The following TMEFF1 variants were observed in gnomAD, a reference collection of about 807,000 sequenced individuals.
TMEFF1 encodes the protein tomoregulin-1.
Under a neutral mutation model 47.5 loss-of-function variants are expected in TMEFF1, and 20 were observed. The observed-to-expected ratio is 0.42, with a 90% CI of 0.30 to 0.61. The LOEUF (loss-of-function observed/expected upper bound fraction) is 0.61. TMEFF1 is among the 20% of genes least tolerant of loss of function. The pLI is 0.19. For synonymous variants in TMEFF1, 162 were observed against 166.3 expected (o/e 0.97, Z 0.20); for missense variants, 411 against 471.1 (o/e 0.87, Z 1.18).
At chr9:100,574,203 G>A (rs1455789935) in intron 9 of TMEFF1, among the ~76,000 whole-genome samples, 3 of 152,148 alleles carry the variant, frequency 2.0e-5, no homozygotes, top group South Asian at 2.1e-4. Context: ...GAAGGACTTG[G>A]TATAAACCAT....
rs79277899 is a variant in TMEFF1 at position 100,493,756 on chromosome 9, C to T, written c.197-5009C>T. Among the ~76,000 whole-genome samples the T allele has an allele frequency of 2.8e-3, 431 of 152,204 alleles. 4 individuals carry two copies. Among genetic ancestry groups the T allele is most frequent in the African/African-American group, 1.0e-2 (414 of 41,530 alleles). On this transcript the variant is annotated intron_variant, in intron 1 of 9. Transcript: ENST00000374879. Reference sequence around the variant, plus strand: ...GGTGGGTAATCATCATAATCATTGACAGGTAGTAGAATGTCCTCTTGATGC... The same window carrying T: ...GGTGGGTAATCATCATAATCATTGATAGGTAGTAGAATGTCCTCTTGATGC...
intron 5 of TMEFF1, among the ~76,000 whole-genome samples, chr9:100,529,902 C>T (rs185698021): frequency 1.1e-4 from 17 of 152,170 alleles, no homozygotes; most frequent in East Asian, 7.7e-4. Context: ...TCTCTCAGAC[C>T]GCAGTGCAAT....
rs147790394 is a variant in TMEFF1 at position 100,500,754 on chromosome 9, C to T, written c.306+1880C>T. ...GAGAATGGACCATATTTTCCTGTTT[C>T]TTCACATTAGAGTAACTTTGAATTT... On this transcript the variant is annotated intron_variant, in intron 2 of 9. Coordinates refer to ENST00000374879, the MANE Select transcript of TMEFF1 (RefSeq NM_003692.5). Among the ~76,000 whole-genome samples the T allele has an allele frequency of 5.1e-3, 769 of 152,260 alleles. 6 individuals carry two copies. Among genetic ancestry groups the T allele is most frequent in the Non-Finnish European group, 8.3e-3 (565 of 68,022 alleles).
At chr9:100,498,187 C>T (rs1041816537) in intron 1 of TMEFF1, among the ~76,000 whole-genome samples, 9 of 152,014 alleles carry the variant, frequency 5.9e-5, no homozygotes, top group African/African-American at 2.2e-4. Context: ...AGTTTTAAGT[C>T]TAGTAAGATT....
intron 1 of TMEFF1, among the ~76,000 whole-genome samples, chr9:100,482,379 G>A (rs946013488): frequency 2.2e-4 from 34 of 151,670 alleles, no homozygotes; most frequent in African/African-American, 8.0e-4. Flanking sequence ...TGAATTTTTA[G>A]TAGAGACGGG....
At chr9:100,493,276 G>GAACA (rs1301843063) in intron 1 of TMEFF1, among the ~76,000 whole-genome samples, 1 of 152,168 alleles carries the variant, frequency 6.6e-6, no homozygotes, top group South Asian at 2.1e-4. Flanking sequence ...CCTGAGTTCT[G>GAACA]TTGTAACATC....
intron 5 of TMEFF1, among the ~76,000 whole-genome samples, chr9:100,531,577 A>G (rs373352976): frequency 1.6e-3 from 239 of 151,898 alleles, no homozygotes; most frequent in African/African-American, 5.1e-3. Flanking sequence ...ACTGCTCAAT[A>G]AAATAAAAGA....
At chr9:100,560,680 C>T (rs557371406) in intron 7 of TMEFF1, among the ~76,000 whole-genome samples, 5 of 152,112 alleles carry the variant, frequency 3.3e-5, no homozygotes, top group African/African-American at 1.2e-4. Flanking sequence ...TTCTTCACTT[C>T]AGTTCAGTTC....
intron 5 of TMEFF1, among the ~76,000 whole-genome samples, chr9:100,517,339 T>C (rs1587832498): frequency 3.3e-5 from 5 of 152,370 alleles, no homozygotes; most frequent in Admixed American, 3.3e-4. Context: ...AAATGGATCT[T>C]CTTCACTTCC....
At chr9:100,521,289 C>T (rs973646702) in intron 5 of TMEFF1, among the ~76,000 whole-genome samples, 4 of 152,202 alleles carry the variant, frequency 2.6e-5, no homozygotes, top group African/African-American at 9.6e-5. Flanking sequence ...CTGAAACTCA[C>T]TGCATTTCTT....
intron 1 of TMEFF1, among the ~76,000 whole-genome samples, chr9:100,492,548 G>C (rs1837573770): frequency 6.6e-6 from 1 of 152,200 alleles, no homozygotes; most frequent in Non-Finnish European, 1.5e-5. Flanking sequence ...AGGTTTTATA[G>C]AGAATGACAC....
chr9:100,515,313 T>A (rs769104027), intron 4 of TMEFF1, among the ~76,000 whole-genome samples: 23 of 152,036 alleles, frequency 1.5e-4, no homozygotes, highest in Admixed American at 3.9e-4. Context: ...TATTATGATG[T>A]TTTGGGGCCT....
chr9:100,514,917 C>T (rs1015508752), intron 4 of TMEFF1, among the ~76,000 whole-genome samples: 1 of 152,052 alleles, frequency 6.6e-6, no homozygotes, highest in South Asian at 2.1e-4. Flanking sequence ...ATTGCTTGAA[C>T]CCAGGAGACA....
At position 100,547,864 on chromosome 9, in the gene TMEFF1, T is replaced by TTATC; in HGVS notation, c.681_682insTATC (p.Asp228TyrfsTer14). ...CATCTTGTATAAAGCAAGAACAAAT[T>TTATC]GATATAAGGCATCTTGGTCATTGCA... On this transcript the variant is annotated frameshift_variant, in exon 6 of 10. Transcript: ENST00000374879. LOFTEE classifies it high-confidence loss of function. 6.2e-7 allele frequency: 1 copy of TTATC among 1,606,202 alleles called. No homozygotes were observed. The highest frequency in any genetic ancestry group is 8.5e-7 in the Non-Finnish European group (1 of 1,177,422).
intron 1 of TMEFF1, among the ~76,000 whole-genome samples, chr9:100,482,404 G>T (rs532971272): frequency 1.1e-3 from 169 of 151,028 alleles, no homozygotes; most frequent in African/African-American, 3.9e-3. Flanking sequence ...CACCATATTG[G>T]CCAGGCTGGT....
rs866032631 is a variant in TMEFF1 at position 100,519,278 on chromosome 9, T to C, written c.560+2507T>C. On this transcript the variant is annotated intron_variant, in intron 5 of 9. Transcript: ENST00000374879. The stretch of plus-strand genomic sequence containing the variant: ...CAAAAATTAGCTGGGTGTGGTGGCA[T>C]GCACCTGTAGTCCCAGCTACTCGGG... Among the ~76,000 whole-genome samples, 273 of 152,012 alleles carry C rather than the reference T, an allele frequency of 1.8e-3. 4 individuals carry two copies. Among genetic ancestry groups the C allele is most frequent in the Middle Eastern group, 0.01 (3 of 294 alleles).
chr9:100,570,579 T>A (rs1839220140), intron 8 of TMEFF1, among the ~76,000 whole-genome samples: 1 of 152,058 alleles, frequency 6.6e-6, no homozygotes, highest in South Asian at 2.1e-4. Context: ...CAAAACCAAT[T>A]GACCATAGAT....
chr9:100,562,382 C>A (rs572825837), intron 8 of TMEFF1, among the ~76,000 whole-genome samples: 1 of 152,096 alleles, frequency 6.6e-6, no homozygotes, highest in South Asian at 2.1e-4. Context: ...AATCCAGTCT[C>A]TTGGGTCCTT....
chr9:100,567,497 C>G (rs1839146638), intron 8 of TMEFF1, among the ~76,000 whole-genome samples: 1 of 152,178 alleles, frequency 6.6e-6, no homozygotes, highest in Non-Finnish European at 1.5e-5. Flanking sequence ...TATTGACACT[C>G]TTCTCCCGGT....
Sources: gnomAD v4.1 joint callset for allele counts (sites outside exome capture counted in the v4.1 genomes callset) on GRCh38, gnomAD v4.1.1 for gene constraint, MANE v1.5 for transcripts, NCBI Gene and HGNC (gene_info 2026-07-23, HGNC 2026-07-21) for gene names.